The following TFAP2B variants were observed in gnomAD, a reference collection of about 807,000 sequenced individuals.
TFAP2B encodes the protein transcription factor AP-2 beta, also known as transcription factor AP-2-beta.
A neutral mutation model predicts 44.3 loss-of-function variants in TFAP2B; 9 were observed. The observed-to-expected ratio is 0.20, with a 90% CI of 0.12 to 0.35. The LOEUF is 0.35. Ranked by LOEUF, TFAP2B falls within the 10% of genes least tolerant of loss-of-function variation. TFAP2B has a pLI of 1.00. For synonymous variants in TFAP2B, 270 were observed against 263.8 expected, an observed-to-expected ratio of 1.02 and a Z score of -0.23; for missense variants, 509 against 600.0, an observed-to-expected ratio of 0.85 and a Z score of 1.59.
intron 3 of TFAP2B, chr6:50,830,404 G>T (rs1770641992): frequency 1.6e-6 from 1 of 614,912 alleles, no homozygotes; most frequent in African/African-American, 2.0e-5. Context: ...GTTTGTCAGT[G>T]AAATGTGAAT....
chr6:50,842,883 G>A lies in TFAP2B; in HGVS notation c.1083-209G>A, dbSNP rs189363215. On this transcript the variant is annotated intron_variant, in intron 6 of 6. Coordinates refer to ENST00000393655, the MANE Select transcript of TFAP2B (RefSeq NM_003221.4). ...GGAAGGCAAGGCTTTGGGGTGGAAG[G>A]GGTGCATTACCTCCCCACCCCCGCT... Among the ~76,000 whole-genome samples, 36 of 152,320 alleles carry A rather than the reference G, an allele frequency of 2.4e-4. No homozygotes were observed. The East Asian group carries it at 7.0e-3, about 29-fold the overall frequency.
chr6:50,837,180 T>G (rs1044654143), intron 4 of TFAP2B, among the ~76,000 whole-genome samples: 2 of 152,314 alleles, frequency 1.3e-5, no homozygotes, highest in African/African-American at 4.8e-5. Flanking sequence ...ACTGAGGATT[T>G]TTACTTGTAC....
At position 50,834,714 on chromosome 6, in the gene TFAP2B, C is replaced by T. The variant is rs568826923; in HGVS notation, c.602-1347C>T. Among the ~76,000 whole-genome samples the T allele has an allele frequency of 1.6e-4, 24 of 152,266 alleles. 2 individuals are homozygous for T. The highest frequency in any genetic ancestry group is 1.5e-3 in the East Asian group (8 of 5,180). On this transcript the variant is annotated intron_variant, in intron 3 of 6. Transcript: ENST00000393655. ...TCTAGGCTCCAGACGACAGAAACAG[C>T]CTATCTTTTCCCCACACAATTACAA...
At chr6:50,841,322 C>CA (rs1353446914) in intron 6 of TFAP2B, among the ~76,000 whole-genome samples, 1 of 152,156 alleles carries the variant, frequency 6.6e-6, no homozygotes, top group Non-Finnish European at 1.5e-5. Flanking sequence ...ACCTGGCATC[C>CA]ACCCTCTTTC....
In TFAP2B at chr6:50,842,164, C is replaced by G. The variant is rs564014331; in HGVS notation, c.1083-928C>G. Among the ~76,000 whole-genome samples the G allele has an allele frequency of 4.0e-4, 61 of 152,350 alleles. 1 individual carries two copies. The South Asian group carries it at 0.012, about 31-fold the overall frequency. On this transcript the variant is annotated intron_variant, in intron 6 of 6. Transcript: ENST00000393655. ...AGGTGGACATGAGAAATCTGCCCAT[C>G]TGTGAAAAGCTGTGGCCTTTGGGAT...
chr6:50,822,994 G>A (rs959873132), intron 1 of TFAP2B, among the ~76,000 whole-genome samples: 2 of 152,144 alleles, frequency 1.3e-5, no homozygotes, highest in African/African-American at 4.8e-5. Flanking sequence ...GAAAAAAGTA[G>A]TTAAAAACAC....
intron 5 of TFAP2B, among the ~76,000 whole-genome samples, chr6:50,839,761 G>A (rs1762689519): frequency 6.6e-6 from 1 of 152,172 alleles, no homozygotes; most frequent in Admixed American, 6.5e-5. Flanking sequence ...GCAAGATGAT[G>A]GTCACTTTTA....
Position 50,845,862 on chromosome 6 carries a change from T to A in TFAP2B, c.*2470T>A, listed in dbSNP as rs923418489. 13 of 152,704 alleles carry A rather than the reference T, an allele frequency of 8.5e-5. No individual in the cohort carries two copies. The highest frequency in any genetic ancestry group is 1.5e-4 in the Non-Finnish European group (10 of 68,094). The allele number at this position is 152,704 out of a possible 1,614,324, so 9.5% of individuals were successfully genotyped here. On this transcript the variant is annotated 3_prime_UTR_variant, in exon 7 of 7. Coordinates refer to ENST00000393655, the MANE Select transcript of TFAP2B (RefSeq NM_003221.4). The stretch of plus-strand genomic sequence containing the variant: ...CCGACTGCGCGGGCCCTTCCCGCTC[T>A]CGGTCTCACCCTAAGGGCTAAGGCG...
chr6:50,822,200 C>A, intron 1 of TFAP2B: 1 of 1,287,486 alleles, frequency 7.8e-7, no homozygotes, highest in Non-Finnish European at 1.0e-6. Flanking sequence ...TGCATGCTCC[C>A]TCCTCTCACT....
intron 2 of TFAP2B, among the ~76,000 whole-genome samples, chr6:50,825,093 G>A (rs546090970): frequency 6.6e-6 from 1 of 152,298 alleles, no homozygotes; most frequent in Admixed American, 6.5e-5. Flanking sequence ...TGCTGTCTGT[G>A]TGTGGTCTAT....
chr6:50,823,520 C>G lies in TFAP2B; in HGVS notation c.195C>G (p.Phe65Leu). ...TGTCCCACACCCCGTCGTCGGACTT[C>G]CAGCCGCCCTACTTCCCACCCCCCT... is the stretch of plus-strand genomic sequence containing the variant. Reference protein sequence around the residue: ...PPLSHTPSSDFQPPYFPPPYQ... With the variant: ...PPLSHTPSSDLQPPYFPPPYQ... Residue 65 changes from phenylalanine to leucine, a missense_variant, in exon 2 of 7, where the codon TTC becomes TTG. Phe to Leu is a conservative substitution (Grantham distance 22). Around this residue, in one of 3 missense-constraint regions of TFAP2B, gnomAD observed 296 missense variants for 308.2 expected, o/e 0.96. Transcript: ENST00000393655. 1 of 1,613,790 alleles carries G rather than the reference C, an allele frequency of 6.2e-7. No homozygotes were observed. Among genetic ancestry groups the G allele is most frequent in the Non-Finnish European group, 8.5e-7 (1 of 1,179,920 alleles).
At position 50,843,321 on chromosome 6, in the gene TFAP2B, A is replaced by G. The variant is rs1050146955; in HGVS notation, c.1312A>G (p.Thr438Ala). 9.3e-6 allele frequency: 15 copies of G among 1,614,132 alleles called. No homozygotes were observed. The highest frequency in any genetic ancestry group is 1.3e-5 in the Non-Finnish European group (15 of 1,180,044). ...MDKMFLNNTTTNRHTSGEGPG... is the reference protein window; with the variant it reads ...MDKMFLNNTTANRHTSGEGPG... Reference sequence around the variant, plus strand: ...CAAGATGTTCTTGAACAACACCACCACTAACAGGCACACGTCTGGGGAAGG... The same window carrying G: ...CAAGATGTTCTTGAACAACACCACCGCTAACAGGCACACGTCTGGGGAAGG... The change falls in exon 7 of 7, where the codon ACT becomes GCT. Residue 438 changes from threonine (T) to alanine (A), a missense_variant. By Grantham distance (58) the Thr-to-Ala change is moderately conservative. Transcript: ENST00000393655.
At chr6:50,827,882 C>T (rs1467421321) in intron 2 of TFAP2B, among the ~76,000 whole-genome samples, 1 of 152,180 alleles carries the variant, frequency 6.6e-6, no homozygotes, top group African/African-American at 2.4e-5. Context: ...AGAAGATGAA[C>T]ATTCCTTGCG....
chr6:50,838,168 T>G, intron 5 of TFAP2B, 75 bp downstream of exon 5: 1 of 1,143,450 alleles, frequency 8.7e-7, no homozygotes, highest in Non-Finnish European at 1.3e-6. Context: ...TTTACACATT[T>G]CATGATTAAC....
chr6:50,835,558 TC>T (rs1286092665), intron 3 of TFAP2B, among the ~76,000 whole-genome samples: 2 of 152,126 alleles, frequency 1.3e-5, no homozygotes, highest in Admixed American at 1.3e-4. Flanking sequence ...TAGATCTGGG[TC>T]CAATAGGAAA....
intron 2 of TFAP2B, among the ~76,000 whole-genome samples, chr6:50,824,677 ATCACG>A (rs1303437107): frequency 6.6e-6 from 1 of 152,196 alleles, no homozygotes; most frequent in Admixed American, 6.5e-5. Context: ...GTTGAGAGGC[ATCACG>A]TGTTTATTTC....
Position 50,843,254 on chromosome 6 carries a change from G to A in TFAP2B, c.1245G>A (p.Thr415=). 6.2e-7 allele frequency: 1 copy of A among 1,614,158 alleles called. No individual in the cohort carries two copies. The highest frequency in any genetic ancestry group is 1.1e-5 in the South Asian group (1 of 91,088). The stretch of plus-strand genomic sequence containing the variant: ...CCCCGGCCATTTGCGCCGCGCTCAC[G>A]GCCCTGCAGAACTATCTCACCGAGG... ...FGAPAICAAL[T]ALQNYLTEAL... The change falls in exon 7 of 7, where the codon ACG becomes ACA. Residue 415 remains threonine, a synonymous_variant. Transcript: ENST00000393655.
rs117990294 is a variant in TFAP2B, at chr6:50,840,984, C to T, written c.1082+687C>T. Among the ~76,000 whole-genome samples, 68 of 152,336 alleles carry T rather than the reference C, an allele frequency of 4.5e-4. No individual in the cohort carries two copies. In the East Asian group the frequency reaches 0.012, roughly 26 times the overall value. ...CTCTTGCAGGCGCGGCCCAAACAGC[C>T]GCGCTCATTTATTTAGTGTTGGAGG... On this transcript the variant is annotated intron_variant, in intron 6 of 6. Coordinates refer to ENST00000393655, the MANE Select transcript of TFAP2B (RefSeq NM_003221.4).
chr6:50,829,617 G>A (rs545625861), intron 3 of TFAP2B, among the ~76,000 whole-genome samples: 1 of 152,176 alleles, frequency 6.6e-6, no homozygotes, highest in Non-Finnish European at 1.5e-5. Context: ...AAGAAATTCT[G>A]TCTCTATATT....
Sources: gnomAD v4.1 joint callset for allele counts (sites outside exome capture counted in the v4.1 genomes callset) on GRCh38, gnomAD v4.1.1 for gene constraint, gnomAD v4.1.1 regional missense constraint, MANE v1.5 for transcripts, NCBI Gene and HGNC (gene_info 2026-07-23, HGNC 2026-07-21) for gene names.